The following ZFPM2 variants were observed in gnomAD, a reference collection of about 807,000 sequenced individuals.
ZFPM2 encodes zinc finger protein ZFPM2.
ZFPM2 carries 20 observed loss-of-function variants against 98.6 expected under a neutral mutation model. The ratio of observed to expected loss-of-function variants is 0.20; its 90% CI spans 0.14 to 0.29. The LOEUF (loss-of-function observed/expected upper bound fraction) is 0.29, where lower values mean the gene tolerates loss of function less well. Among genes scored for constraint, ZFPM2 ranks in the 10% least tolerant of loss-of-function variants. The probability of loss-of-function intolerance (pLI) is 1.00; values close to 1 mark genes in which losing one functional copy is unlikely to be tolerated. For missense variants in ZFPM2, 1,310 were observed against 1,388.6 expected (o/e 0.94, Z 0.90); for synonymous variants, 518 against 502.7 (o/e 1.03, Z -0.41).
At chr8:105,789,356 T>C (rs1341167733) in intron 6 of ZFPM2, among the ~76,000 whole-genome samples, 1 of 152,198 alleles carries the variant, frequency 6.6e-6, no homozygotes, top group Non-Finnish European at 1.5e-5. Flanking sequence ...GTTCTTGCGA[T>C]AGTTTACTGA....
intron 1 of ZFPM2, among the ~76,000 whole-genome samples, chr8:105,392,973 A>C (rs1382464011): frequency 6.6e-6 from 1 of 152,246 alleles, no homozygotes; most frequent in African/African-American, 2.4e-5. Flanking sequence ...TTTCATTAGC[A>C]TGTGGTTCAA....
intron 2 of ZFPM2, among the ~76,000 whole-genome samples, chr8:105,438,038 C>A (rs1284161720): frequency 2.6e-5 from 4 of 151,638 alleles, no homozygotes; most frequent in Non-Finnish European, 4.4e-5. Flanking sequence ...GACTCTGTCT[C>A]CAATAAAAAA....
At chr8:105,573,990 G>A (rs946733081) in intron 4 of ZFPM2, among the ~76,000 whole-genome samples, 1 of 152,154 alleles carries the variant, frequency 6.6e-6, no homozygotes, top group Non-Finnish European at 1.5e-5. Flanking sequence ...TACGCATTTA[G>A]TCACTTTGAA....
At chr8:105,772,735 A>G (rs1413992958) in intron 5 of ZFPM2, among the ~76,000 whole-genome samples, 1 of 152,190 alleles carries the variant, frequency 6.6e-6, no homozygotes, top group East Asian at 1.9e-4. Flanking sequence ...ATTCAAAAAT[A>G]AGATTTTTGC....
intron 3 of ZFPM2, among the ~76,000 whole-genome samples, chr8:105,460,494 A>G (rs1343589441): frequency 1.3e-5 from 2 of 152,272 alleles, no homozygotes; most frequent in East Asian, 1.9e-4. Context: ...AGGAAAAGGC[A>G]TTCCAGCATC....
chr8:105,783,158 G>T (rs1470291660), intron 5 of ZFPM2, among the ~76,000 whole-genome samples: 1 of 148,724 alleles, frequency 6.7e-6, no homozygotes, highest in Non-Finnish European at 1.5e-5. Flanking sequence ...TTGTTAAGTA[G>T]CTTTGCTAGG....
intron 5 of ZFPM2, among the ~76,000 whole-genome samples, chr8:105,721,732 T>C (rs1268131700): frequency 6.6e-6 from 1 of 151,960 alleles, no homozygotes; most frequent in Non-Finnish European, 1.5e-5. Flanking sequence ...TATCCATGAA[T>C]ATTGAATTAT....
At chr8:105,517,710 CACA>C (rs1563695422) in intron 3 of ZFPM2, among the ~76,000 whole-genome samples, 45 of 95,228 alleles carry the variant, frequency 4.7e-4, no homozygotes, top group African/African-American at 1.2e-3. Flanking sequence ...ACACACACCA[CACA>C]CACACACACA....
At chr8:105,454,165 C>G (rs1048802323) in intron 3 of ZFPM2, among the ~76,000 whole-genome samples, 1 of 151,026 alleles carries the variant, frequency 6.6e-6, no homozygotes, top group African/African-American at 2.4e-5. Context: ...AGTCTCTCTC[C>G]CCCTACACTC....
At chr8:105,452,083 A>G (rs1812495344) in intron 3 of ZFPM2, among the ~76,000 whole-genome samples, 1 of 152,200 alleles carries the variant, frequency 6.6e-6, no homozygotes, top group African/African-American at 2.4e-5. Flanking sequence ...AAAAGCTTTT[A>G]CATCCTCCAT....
intron 1 of ZFPM2, among the ~76,000 whole-genome samples, chr8:105,373,957 T>A (rs1810673168): frequency 6.6e-6 from 1 of 152,162 alleles, no homozygotes; most frequent in Non-Finnish European, 1.5e-5. Flanking sequence ...GGGCAGCAAG[T>A]CATGATAAAA....
Position 105,798,856 on chromosome 8 carries a change from C to T in ZFPM2, c.872C>T (p.Ala291Val). The T allele has an allele frequency of 1.9e-6, 3 of 1,613,900 alleles. No individual in the cohort carries two copies. Among genetic ancestry groups the T allele is most frequent in the Admixed American group, 1.7e-5 (1 of 60,010 alleles). Residue 291 changes from alanine to valine, a missense_variant, in exon 7 of 8, where the codon GCC becomes GTC. Ala to Val is a moderately conservative substitution (Grantham distance 64). Transcript: ENST00000407775. Reference sequence around the variant, plus strand: ...GTGTCAGAGGAAAATGAAGACAGTGCCCATCAGATTTCCAGCCTGTGCCCC... The same window carrying T: ...GTGTCAGAGGAAAATGAAGACAGTGTCCATCAGATTTCCAGCCTGTGCCCC... The part of the protein sequence containing the change: ...APVSEENEDS[A>V]HQISSLCPFP...
chr8:105,578,273 G>C (rs541334935), intron 4 of ZFPM2, among the ~76,000 whole-genome samples: 1 of 152,156 alleles, frequency 6.6e-6, no homozygotes, highest in African/African-American at 2.4e-5. Context: ...AGTTCTCCAA[G>C]TATCTTTTGC....
Position 105,561,351 on chromosome 8 carries a change from C to T in ZFPM2, c.302-12C>T. The stretch of plus-strand genomic sequence containing the variant: ...GTAAGTATTCTAAACACTTCTGTTC[C>T]TTTGTCTGCAGGAGAGCTGGAGGTG... On this transcript the variant is annotated splice_polypyrimidine_tract_variant and intron_variant, in intron 3 of 7. Coordinates refer to ENST00000407775, the MANE Select transcript of ZFPM2 (RefSeq NM_012082.4). 1 of 1,609,534 alleles carries T rather than the reference C, an allele frequency of 6.2e-7. No individual in the cohort carries two copies. Among genetic ancestry groups the T allele is most frequent in the Admixed American group, 1.7e-5 (1 of 59,912 alleles).
chr8:105,616,733 A>G (rs1286319566), intron 4 of ZFPM2: 2 of 343,634 alleles, frequency 5.8e-6, no homozygotes, highest in Admixed American at 6.9e-5. Flanking sequence ...GATCCACACC[A>G]TAGTTTGGGT....
intron 5 of ZFPM2, among the ~76,000 whole-genome samples, chr8:105,783,213 T>G (rs1813306791): frequency 1.4e-5 from 2 of 142,474 alleles, no homozygotes; most frequent in African/African-American, 5.5e-5. Flanking sequence ...CTTTATGGTT[T>G]TTTTTTTTTT....
chr8:105,572,725 C>A (rs1452450655), intron 4 of ZFPM2, among the ~76,000 whole-genome samples: 1 of 152,162 alleles, frequency 6.6e-6, no homozygotes, highest in East Asian at 1.9e-4. Context: ...GTGCCTTGGC[C>A]TCCCAAAATG....
intron 5 of ZFPM2, among the ~76,000 whole-genome samples, chr8:105,667,507 C>A (rs1817512073): frequency 6.6e-6 from 1 of 152,172 alleles, no homozygotes; most frequent in South Asian, 2.1e-4. Context: ...TGTCAGATTG[C>A]ACACTGCAAT....
chr8:105,528,192 GA>G (rs756222485), intron 3 of ZFPM2, among the ~76,000 whole-genome samples: 1 of 152,138 alleles, frequency 6.6e-6, no homozygotes, highest in Non-Finnish European at 1.5e-5. Context: ...TTTGAGCTTG[GA>G]TCTTGAAGGA....
Sources: gnomAD v4.1 joint callset for allele counts (sites outside exome capture counted in the v4.1 genomes callset) on GRCh38, gnomAD v4.1.1 for gene constraint, MANE v1.5 for transcripts, NCBI Gene and HGNC (gene_info 2026-07-23, HGNC 2026-07-21) for gene names.